The following TRAM1 variants were observed in gnomAD, a reference collection of about 807,000 sequenced individuals.
TRAM1 encodes the protein translocating chain-associated membrane protein 1.
A neutral mutation model predicts 48.7 loss-of-function variants in TRAM1; 17 were observed. The observed-to-expected ratio is 0.35, with a 90% CI of 0.24 to 0.52. The LOEUF (loss-of-function observed/expected upper bound fraction) is 0.52, where lower values mean the gene tolerates loss of function less well. TRAM1 is among the 20% of genes least tolerant of loss of function. TRAM1 has a pLI of 0.94. For missense variants in TRAM1, 351 were observed against 441.5 expected, an observed-to-expected ratio of 0.79 and a Z score of 1.84; for synonymous variants, 182 against 154.0, an observed-to-expected ratio of 1.18 and a Z score of -1.34.
intron 9 of TRAM1, 91 bp downstream of exon 9, chr8:70,583,559 T>G (rs573793648): frequency 1.1e-5 from 16 of 1,503,128 alleles, no homozygotes; most frequent in Non-Finnish European, 1.3e-5. Context: ...CAACCTCATA[T>G]TCATCCTTTT....
Position 70,608,085 on chromosome 8 carries a change from T to G in TRAM1, c.115A>C (p.Met39Leu), listed in dbSNP as rs1416970181. ...ACTCGGGGCGGGCTCACCTCAAACA[T>G]GAGCCCCAGCAGGAAGACCATCGCC... ...CVAMVFLLGL[M>L]FEITAKASII... Residue 39 changes from methionine (M) to leucine (L), a missense_variant, in exon 1 of 11, where the codon ATG (methionine) becomes CTG (leucine). Coordinates refer to ENST00000262213, the MANE Select transcript of TRAM1 (RefSeq NM_014294.6). 1 of 1,597,602 alleles carries G rather than the reference T, an allele frequency of 6.3e-7. No homozygotes were observed. The highest frequency in any genetic ancestry group is 8.5e-7 in the Non-Finnish European group (1 of 1,173,134).
intron 10 of TRAM1, among the ~76,000 whole-genome samples, chr8:70,576,068 C>CT (rs1816942701): frequency 1.4e-5 from 1 of 71,648 alleles, no homozygotes; most frequent in Non-Finnish European, 2.9e-5. Flanking sequence ...TAGACTCCAT[C>CT]TAAAAAAAAA....
intron 10 of TRAM1, among the ~76,000 whole-genome samples, chr8:70,581,409 A>C (rs2132025995): frequency 6.6e-6 from 1 of 152,348 alleles, no homozygotes; most frequent in Non-Finnish European, 1.5e-5. Flanking sequence ...TCCAGAAATA[A>C]ACTTTTCTTA....
rs1817801734 is a variant in TRAM1 at position 70,608,335 on chromosome 8, A to G, written c.-136T>C. ...GCCGCTCGCTGGGGCTTCACTTCCCATCCCACAGCCAGTACGCAGCCGCCG... is the reference window on the plus strand; with the variant it reads ...GCCGCTCGCTGGGGCTTCACTTCCCGTCCCACAGCCAGTACGCAGCCGCCG... On this transcript the variant is annotated 5_prime_UTR_variant, in exon 1 of 11. An upstream start codon of the reference 5' UTR is lost. Coordinates refer to ENST00000262213, the MANE Select transcript of TRAM1 (RefSeq NM_014294.6). 1 of 1,175,790 alleles carries G rather than the reference A, an allele frequency of 8.5e-7. No individual in the cohort carries two copies. The highest frequency in any genetic ancestry group is 3.1e-5 in the Admixed American group (1 of 32,422). 72.8% of individuals were successfully genotyped at this position (1,175,790 alleles called of 1,614,324 possible). A position where few individuals can be genotyped will look rare whatever the true frequency, so the allele number is the denominator to read the frequency against.
At chr8:70,607,710 A>C in intron 1 of TRAM1, 1 of 163,164 alleles carries the variant, frequency 6.1e-6, no homozygotes, top group Non-Finnish European at 1.3e-5. Context: ...TCGGCAGCGC[A>C]GGGGCCGCCC....
At chr8:70,591,045 T>C (rs768540653) in intron 6 of TRAM1, among the ~76,000 whole-genome samples, 18 of 148,236 alleles carry the variant, frequency 1.2e-4, no homozygotes, top group Admixed American at 5.4e-4. Flanking sequence ...CCACAAGGGG[T>C]GGTAGGAATT....
At chr8:70,575,864 G>C in intron 10 of TRAM1, among the ~76,000 whole-genome samples, 1 of 151,828 alleles carries the variant, frequency 6.6e-6, no homozygotes, top group East Asian at 1.9e-4. Flanking sequence ...ATCACCTGAG[G>C]CCAGGAGTTC....
chr8:70,588,659 T>C (rs1817280458), intron 6 of TRAM1, among the ~76,000 whole-genome samples: 2 of 152,260 alleles, frequency 1.3e-5, no homozygotes, highest in East Asian at 3.9e-4. Flanking sequence ...GTATTCCACA[T>C]TTTACACACA....
intron 6 of TRAM1, among the ~76,000 whole-genome samples, chr8:70,592,296 C>T (rs916772813): frequency 1.3e-5 from 2 of 152,148 alleles, no homozygotes; most frequent in African/African-American, 4.8e-5. Context: ...CTACTAACAG[C>T]GTTCCTTTCT....
At position 70,583,749 on chromosome 8, in the gene TRAM1, G is replaced by A. The variant is rs201972170; in HGVS notation, c.791C>T (p.Thr264Ile). 182 of 1,591,018 alleles carry A rather than the reference G, an allele frequency of 1.1e-4. No homozygotes were observed. Among genetic ancestry groups the A allele is most frequent in the Middle Eastern group, 1.7e-4 (1 of 5,974 alleles). The stretch of plus-strand genomic sequence containing the variant: ...AACAGTCAGTACTGAAAGAATTAAA[G>A]TCAGAAGTCTTCCCAAAACAAAAAG... ...AVLFVLGRLL[T>I]LILSVLTVGF... Residue 264 changes from threonine (T) to isoleucine (I), a missense_variant, in exon 9 of 11, where the codon ACT becomes ATT. Thr to Ile is a moderately conservative substitution (Grantham distance 89). Coordinates refer to ENST00000262213, the MANE Select transcript of TRAM1 (RefSeq NM_014294.6).
rs1816956116 is a variant in TRAM1, at chr8:70,576,519, TTA to T, written c.1052-1516_1052-1515del. 2.6e-5 allele frequency among the ~76,000 whole-genome samples: 4 copies of T among 152,364 alleles called. No individual in the cohort carries two copies. In the South Asian group the frequency reaches 8.3e-4, roughly 32 times the overall value. ...AACTAGACAAATTCCTTGAAAAACATTATTTACCAAAAGAGAAACGACTAAGA... is the reference window on the plus strand; with the variant it reads ...AACTAGACAAATTCCTTGAAAAACATTTTACCAAAAGAGAAACGACTAAGA... On this transcript the variant is annotated intron_variant, in intron 10 of 10. Coordinates refer to ENST00000262213, the MANE Select transcript of TRAM1 (RefSeq NM_014294.6).
rs1461045971 is a variant in TRAM1 at position 70,608,342 on chromosome 8, A to C, written c.-143T>G. 13 of 1,031,118 alleles carry C rather than the reference A, an allele frequency of 1.3e-5. No individual in the cohort carries two copies. Among genetic ancestry groups the C allele is most frequent in the Non-Finnish European group, 1.6e-5 (12 of 769,540 alleles). The allele number at this position is 1,031,118 out of a possible 1,614,324, so 63.9% of individuals were successfully genotyped here. A position where few individuals can be genotyped will look rare whatever the true frequency, so the allele number is the denominator to read the frequency against. Reference sequence around the variant, plus strand: ...GCTGGGGCTTCACTTCCCATCCCACAGCCAGTACGCAGCCGCCGGGCCGCC... The same window carrying C: ...GCTGGGGCTTCACTTCCCATCCCACCGCCAGTACGCAGCCGCCGGGCCGCC... On this transcript the variant is annotated 5_prime_UTR_variant, in exon 1 of 11. Transcript: ENST00000262213.
intron 10 of TRAM1, among the ~76,000 whole-genome samples, chr8:70,575,392 C>T (rs997035407): frequency 1.3e-5 from 2 of 152,052 alleles, no homozygotes; most frequent in East Asian, 1.9e-4. Flanking sequence ...TATGTGGAGG[C>T]GTGTATTATG....
intron 10 of TRAM1, among the ~76,000 whole-genome samples, chr8:70,576,937 G>C (rs1816967511): frequency 6.6e-6 from 1 of 152,200 alleles, no homozygotes; most frequent in African/African-American, 2.4e-5. Flanking sequence ...TAGTTTTGGA[G>C]TGAAGGTGAG....
chr8:70,582,207 T>G (rs1337714607), intron 10 of TRAM1, among the ~76,000 whole-genome samples: 1 of 152,148 alleles, frequency 6.6e-6, no homozygotes, highest in Non-Finnish European at 1.5e-5. Context: ...AATAGTCAAT[T>G]ATCCCTAAAT....
Position 70,583,633 on chromosome 8 carries a change from T to C in TRAM1, c.890+17A>G, listed in dbSNP as rs772606273. 42 of 1,602,488 alleles carry C rather than the reference T, an allele frequency of 2.6e-5. No individual in the cohort carries two copies. The highest frequency in any genetic ancestry group is 3.3e-5 in the Non-Finnish European group (39 of 1,177,296). ...ATCTAGCTGTATAAAGTGAAAAAAA[T>C]GTTAAATTGATCGTACCTAACAGCT... On this transcript the variant is annotated intron_variant, in intron 9 of 10. Transcript: ENST00000262213.
chr8:70,597,602 G>GGAGGTTGC (rs754402654), intron 4 of TRAM1, among the ~76,000 whole-genome samples: 1 of 145,398 alleles, frequency 6.9e-6, no homozygotes, highest in South Asian at 2.2e-4. Flanking sequence ...CCCGGGAGGC[G>GGAGGTTGC]GAGGTTGCAG....
chr8:70,595,081 T>C (rs1342057544), intron 5 of TRAM1, among the ~76,000 whole-genome samples: 2 of 150,864 alleles, frequency 1.3e-5, no homozygotes, highest in Non-Finnish European at 2.9e-5. Flanking sequence ...CTGTACCTGG[T>C]TGGAACATGG....
intron 5 of TRAM1, among the ~76,000 whole-genome samples, chr8:70,595,206 G>A (rs914293836): frequency 1.5e-4 from 23 of 151,786 alleles, no homozygotes; most frequent in African/African-American, 5.1e-4. Context: ...CTCTCCTCTT[G>A]ACATTATATC....
Sources: gnomAD v4.1 joint callset for allele counts (sites outside exome capture counted in the v4.1 genomes callset) on GRCh38, gnomAD v4.1.1 for gene constraint, MANE v1.5 for transcripts, NCBI Gene and HGNC (gene_info 2026-07-23, HGNC 2026-07-21) for gene names.